The following MORC2 variants were observed in gnomAD, a reference collection of about 807,000 sequenced individuals.
MORC2 encodes the protein MORC family CW-type zinc finger 2.
Under a neutral mutation model 136.0 loss-of-function variants are expected in MORC2, and 30 were observed. The ratio of observed to expected loss-of-function variants is 0.22; its 90% confidence interval spans 0.17 to 0.30. The LOEUF is 0.30. Among genes scored for constraint, MORC2 ranks in the 10% least tolerant of loss-of-function variants. MORC2 has a pLI of 1.00. For synonymous variants in MORC2, 439 were observed against 487.0 expected (o/e 0.90, Z 1.30); for missense variants, 922 against 1,333.1 (o/e 0.69, Z 4.80).
At chr22:30,952,204 T>G (rs1311495505) in intron 3 of MORC2, among the ~76,000 whole-genome samples, 1 of 152,150 alleles carries the variant, frequency 6.6e-6, no homozygotes, top group Non-Finnish European at 1.5e-5. Flanking sequence ...ATAAGGAGAC[T>G]CAAACTGGGT....
intron 6 of MORC2, among the ~76,000 whole-genome samples, chr22:30,945,178 C>A (rs945266001): frequency 6.6e-6 from 1 of 152,150 alleles, no homozygotes; most frequent in Non-Finnish European, 1.5e-5. Flanking sequence ...TCCTGAAAAC[C>A]CCAACCCAGG....
intron 2 of MORC2, 50 bp downstream of exon 2, chr22:30,958,591 C>G (rs1390201361): frequency 9.7e-6 from 14 of 1,449,458 alleles, no homozygotes; most frequent in Non-Finnish European, 1.3e-5. Flanking sequence ...TCACAGCTAC[C>G]TAAAGTGTTT....
intron 24 of MORC2, among the ~76,000 whole-genome samples, chr22:30,928,655 T>C (rs2040527375): frequency 6.6e-6 from 1 of 152,216 alleles, no homozygotes; most frequent in Admixed American, 6.5e-5. Context: ...CAACAGCAGA[T>C]ATCTCCAGAT....
intron 25 of MORC2, 84 bp downstream of exon 25, chr22:30,927,935 C>A: frequency 6.6e-7 from 1 of 1,515,088 alleles, no homozygotes; most frequent in African/African-American, 1.4e-5. Context: ...TGGATAGATT[C>A]TTGTGAGAAC....
intron 6 of MORC2, among the ~76,000 whole-genome samples, chr22:30,945,969 T>A (rs1047657882): frequency 4.6e-5 from 7 of 152,172 alleles, no homozygotes; most frequent in African/African-American, 1.7e-4. Context: ...GGAAACACCA[T>A]GATCAGGGAA....
chr22:30,949,572 A>G (rs1454172264), intron 5 of MORC2, among the ~76,000 whole-genome samples, 180 bp downstream of exon 5: 1 of 152,208 alleles, frequency 6.6e-6, no homozygotes, highest in African/African-American at 2.4e-5. Flanking sequence ...CAATCTGTGG[A>G]GTAAATTCAG....
intron 2 of MORC2, among the ~76,000 whole-genome samples, chr22:30,957,249 A>G (rs1431636278): frequency 6.6e-6 from 1 of 152,230 alleles, no homozygotes; most frequent in Non-Finnish European, 1.5e-5. Flanking sequence ...AACCTGTGAA[A>G]AATCACTTCT....
intron 5 of MORC2, among the ~76,000 whole-genome samples, chr22:30,948,944 C>G (rs1569198594): frequency 6.6e-6 from 1 of 152,178 alleles, no homozygotes; most frequent in African/African-American, 2.4e-5. Context: ...TCCATACACC[C>G]AAAGCACAAC....
chr22:30,939,837 T>C lies in MORC2; in HGVS notation c.987+122A>G, dbSNP rs113091368. The stretch of plus-strand genomic sequence containing the variant: ...CCACACCTGGAAATTTACTTCTTTC[T>C]ACAGAAAACAGCCCTCACTGGGGAC... On this transcript the variant is annotated intron_variant, in intron 11 of 25. Coordinates refer to ENST00000397641, the MANE Select transcript of MORC2 (RefSeq NM_001303256.3). 3.1e-5 allele frequency: 42 copies of C among 1,340,908 alleles called. No homozygotes were observed. The African/African-American group carries it at 5.0e-4, about 16-fold the overall frequency. 83.1% of individuals were successfully genotyped at this position (1,340,908 alleles called of 1,614,324 possible).
chr22:30,946,275 C>G, intron 6 of MORC2, 66 bp downstream of exon 6: 1 of 1,350,464 alleles, frequency 7.4e-7, no homozygotes, highest in Non-Finnish European at 1.0e-6. Context: ...AAATAACCTA[C>G]GAAAACCGCC....
chr22:30,940,093 G>T, intron 10 of MORC2, 52 bp from the exon 11 acceptor site: 1 of 1,569,530 alleles, frequency 6.4e-7, no homozygotes, highest in Non-Finnish European at 8.7e-7. Context: ...AAAACTCTTG[G>T]TCATCCCTCC....
chr22:30,967,425 A>C, intron 1 of MORC2: 1 of 989,558 alleles, frequency 1.0e-6, no homozygotes, highest in Non-Finnish European at 1.2e-6. Context: ...GAAAGTAAAC[A>C]CTTGTTATAA....
At chr22:30,958,010 T>A (rs1413963442) in intron 2 of MORC2, among the ~76,000 whole-genome samples, 1 of 152,222 alleles carries the variant, frequency 6.6e-6, no homozygotes, top group African/African-American at 2.4e-5. Context: ...ACTAAGACAC[T>A]ATTTTCCTAA....
intron 2 of MORC2, among the ~76,000 whole-genome samples, chr22:30,957,656 C>G (rs749401632): frequency 6.6e-6 from 1 of 152,184 alleles, no homozygotes; most frequent in Non-Finnish European, 1.5e-5. Context: ...CATGGTCTCA[C>G]TAAATTAACA....
chr22:30,934,707 G>C lies in MORC2; in HGVS notation c.2193+74C>G. On this transcript the variant is annotated intron_variant, in intron 19 of 25. Transcript: ENST00000397641. The surrounding 1 kb of genome is among the most constrained non-coding windows in gnomAD (Gnocchi z 4.4). Reference sequence around the variant, plus strand: ...ATCTTCCGAAGGCTCCCCCAGTACAGCTGTGACACTGCACAATTCCATTCC... The same window carrying C: ...ATCTTCCGAAGGCTCCCCCAGTACACCTGTGACACTGCACAATTCCATTCC... 1 of 1,555,262 alleles carries C rather than the reference G, an allele frequency of 6.4e-7. No homozygotes were observed. Among genetic ancestry groups the C allele is most frequent in the African/African-American group, 1.4e-5 (1 of 73,964 alleles).
intron 21 of MORC2, 103 bp downstream of exon 21, chr22:30,933,363 A>T (rs2040604216): frequency 1.5e-6 from 2 of 1,301,792 alleles, no homozygotes; most frequent in Non-Finnish European, 2.2e-6. Context: ...CAGACCCAGG[A>T]CAGATTCAAT....
At position 30,939,704 on chromosome 22, in the gene MORC2, C is replaced by T; in HGVS notation, c.990G>A (p.Val330=). 2 of 1,613,848 alleles carry T rather than the reference C, an allele frequency of 1.2e-6. No homozygotes were observed. Among genetic ancestry groups the T allele is most frequent in the East Asian group, 2.2e-5 (1 of 44,880 alleles). ...CTCTGTTCTGGACCTGTCGCAACAT[C>T]ACCTGCACACATTGACATCAGGTGA... is the stretch of plus-strand genomic sequence containing the variant. The part of the protein sequence containing the change: ...LGGDLTRDSR[V]MLRQVQNRAI... The change falls in exon 12 of 26, where the codon GTG becomes GTA. Residue 330 remains valine, a splice_region_variant and synonymous_variant. Coordinates refer to ENST00000397641, the MANE Select transcript of MORC2 (RefSeq NM_001303256.3).
intron 3 of MORC2, among the ~76,000 whole-genome samples, chr22:30,956,435 G>A (rs1194403891): frequency 6.6e-6 from 1 of 152,130 alleles, no homozygotes; most frequent in Non-Finnish European, 1.5e-5. Flanking sequence ...CACAAACCTC[G>A]TTCACCTATT....
chr22:30,925,381 G>A lies in MORC2; in HGVS notation c.*1422C>T. On this transcript the variant is annotated 3_prime_UTR_variant, in exon 26 of 26. Transcript: ENST00000397641. ...CAGCAGAAGAGGCCAGGGTCTCTCA[G>A]TGTACTACTCCAAACAGGCCTCTCC... 4.6e-6 allele frequency: 1 copy of A among 218,430 alleles called. No individual in the cohort carries two copies. Among genetic ancestry groups the A allele is most frequent in the Non-Finnish European group, 9.3e-6 (1 of 108,096 alleles). The allele number at this position is 218,430 out of a possible 1,614,324, so 13.5% of individuals were successfully genotyped here.
Sources: gnomAD v4.1 joint callset for allele counts (sites outside exome capture counted in the v4.1 genomes callset) on GRCh38, gnomAD v4.1.1 for gene constraint, Gnocchi (gnomAD v3.1) non-coding constraint, MANE v1.5 for transcripts, NCBI Gene and HGNC (gene_info 2026-07-23, HGNC 2026-07-21) for gene names.